Variants in CPB1 observed in about 807,000 individuals in gnomAD.
The protein encoded by CPB1 is carboxypeptidase B1.
A neutral mutation model predicts 51.4 loss-of-function variants in CPB1; 53 were observed. The observed-to-expected ratio is 1.03, with a 90% CI of 0.83 to 1.30. The LOEUF is 1.30. CPB1 is among the 50% of genes most tolerant of loss of function. The pLI, the probability that CPB1 is intolerant of heterozygous loss-of-function variation, is 0.00. For synonymous variants in CPB1, 189 were observed against 186.9 expected (o/e 1.01, Z -0.09); for missense variants, 494 against 516.2 (o/e 0.96, Z 0.42).
Position 148,844,687 on chromosome 3 carries a change from G to C in CPB1, c.698G>C (p.Trp233Ser), listed in dbSNP as rs1713182405. ...GTAGTCCACTTTCAGAGCCGATTTTGGAGAAAGACTCGCTCCACCCATACT... is the reference window on the plus strand; with the variant it reads ...GTAGTCCACTTTCAGAGCCGATTTTCGAGAAAGACTCGCTCCACCCATACT... ...YIYTWTKSRF[W>S]RKTRSTHTGS... The change falls in exon 8 of 11, where the codon TGG becomes TCG. Residue 233 changes from tryptophan (W) to serine (S), a missense_variant. By Grantham distance (177) the Trp-to-Ser change is radical. Coordinates refer to ENST00000282957, the MANE Select transcript of CPB1 (RefSeq NM_001871.3). 6.2e-7 allele frequency: 1 copy of C among 1,613,908 alleles called. No individual in the cohort carries two copies. The highest frequency in any genetic ancestry group is 8.5e-7 in the Non-Finnish European group (1 of 1,179,830).
chr3:148,844,300 A>T (rs1298049024), intron 6 of CPB1, among the ~76,000 whole-genome samples, 178 bp from the exon 7 acceptor site: 1 of 152,198 alleles, frequency 6.6e-6, no homozygotes, highest in Admixed American at 6.5e-5. Context: ...AACAATTATA[A>T]ATAAAAATAT....
chr3:148,858,014 A>G (rs1713634501), intron 10 of CPB1, among the ~76,000 whole-genome samples: 1 of 152,190 alleles, frequency 6.6e-6, no homozygotes, highest in Non-Finnish European at 1.5e-5. Context: ...CACTAAGAGA[A>G]CAAGAAAGTA....
At chr3:148,842,133 C>T (rs62274570) in intron 6 of CPB1, among the ~76,000 whole-genome samples, 13,981 of 152,126 alleles carry the variant, frequency 0.092, 838 homozygotes, top group African/African-American at 0.15. Context: ...TGCCTATAAT[C>T]CTAGCACTTT....
chr3:148,844,753 A>T lies in CPB1; in HGVS notation c.764A>T (p.Asp255Val). Reference sequence around the variant, plus strand: ...GGCACAGACCCCAACAGAAATTTTGATGCTGGTTGGTGTGGTAAGTATCTG... The same window carrying T: ...GGCACAGACCCCAACAGAAATTTTGTTGCTGGTTGGTGTGGTAAGTATCTG... ...CIGTDPNRNFDAGWCEIGASR... is the reference protein window; with the variant it reads ...CIGTDPNRNFVAGWCEIGASR... The change falls in exon 8 of 11, where the codon GAT becomes GTT. Residue 255 changes from aspartate (D) to valine (V), a missense_variant. Asp to Val is a radical substitution (Grantham distance 152). Coordinates refer to ENST00000282957, the MANE Select transcript of CPB1 (RefSeq NM_001871.3). The T allele has an allele frequency of 6.2e-7, 1 of 1,613,904 alleles. No individual in the cohort carries two copies. The highest frequency in any genetic ancestry group is 1.1e-5 in the South Asian group (1 of 91,082).
chr3:148,833,215 A>G (rs1712792217), intron 2 of CPB1, among the ~76,000 whole-genome samples: 1 of 152,076 alleles, frequency 6.6e-6, no homozygotes, highest in Non-Finnish European at 1.5e-5. Context: ...TTATCCAAAC[A>G]TTGATACTCT....
intron 2 of CPB1, among the ~76,000 whole-genome samples, chr3:148,828,954 A>G (rs1712651454): frequency 6.6e-6 from 1 of 152,204 alleles, no homozygotes; most frequent in African/African-American, 2.4e-5. Flanking sequence ...CAAATCTGGA[A>G]TTTCCTTCTG....
chr3:148,834,251 G>A (rs975532246), intron 2 of CPB1, among the ~76,000 whole-genome samples: 9 of 152,132 alleles, frequency 5.9e-5, no homozygotes, highest in African/African-American at 1.9e-4. Context: ...AGCATTATGG[G>A]AAATGATTCT....
chr3:148,830,312 TA>T (rs1308291368), intron 2 of CPB1, among the ~76,000 whole-genome samples: 2 of 152,192 alleles, frequency 1.3e-5, no homozygotes, highest in African/African-American at 4.8e-5. Context: ...AGTATTTTTT[TA>T]GTTATCTAAA....
At chr3:148,857,030 A>C in intron 9 of CPB1, 1 of 149,832 alleles carries the variant, frequency 6.7e-6, no homozygotes, top group Non-Finnish European at 1.4e-5. Flanking sequence ...TTGTAACTTA[A>C]TCTGGCTTTA....
At chr3:148,843,115 T>G (rs1293173107) in intron 6 of CPB1, among the ~76,000 whole-genome samples, 1 of 152,118 alleles carries the variant, frequency 6.6e-6, no homozygotes, top group Admixed American at 6.6e-5. Context: ...CAATGTAGGA[T>G]CCTAGATTGT....
In CPB1 at chr3:148,860,059, T is replaced by G; in HGVS notation, c.*57T>G. 6.5e-7 allele frequency: 1 copy of G among 1,543,376 alleles called. No homozygotes were observed. Among genetic ancestry groups the G allele is most frequent in the Non-Finnish European group, 8.8e-7 (1 of 1,133,486 alleles). ...CTCATTTTTCATTTCTTTTCTTTCT[T>G]GAATTCTTATTTTGGTTTGCCTGGA... On this transcript the variant is annotated 3_prime_UTR_variant, in exon 11 of 11. Transcript: ENST00000282957.
At chr3:148,834,237 A>G (rs1712824885) in intron 2 of CPB1, among the ~76,000 whole-genome samples, 1 of 152,242 alleles carries the variant, frequency 6.6e-6, no homozygotes, top group Admixed American at 6.5e-5. Context: ...GAATACAACC[A>G]ACTAGCATTA....
intron 9 of CPB1, chr3:148,851,440 C>T (rs1416908191): frequency 1.3e-5 from 2 of 150,128 alleles, no homozygotes; most frequent in Non-Finnish European, 3.0e-5. Flanking sequence ...ATTAAGTGTT[C>T]ATTATAAAGT....
rs142138150 is a variant in CPB1 at position 148,859,288 on chromosome 3, G to A, written c.1067-527G>A. On this transcript the variant is annotated intron_variant, in intron 10 of 10. Transcript: ENST00000282957. ...ATGAATTAATTAGTACATATTCTAT[G>A]TGTTAGTGACAACATGATTGTTATT... Among the ~76,000 whole-genome samples, 33 of 152,308 alleles carry A rather than the reference G, an allele frequency of 2.2e-4. No homozygotes were observed. In the East Asian group the frequency reaches 4.6e-3, roughly 21 times the overall value.
At chr3:148,849,904 C>T (rs1037595604) in intron 9 of CPB1, among the ~76,000 whole-genome samples, 1 of 152,230 alleles carries the variant, frequency 6.6e-6, no homozygotes, top group Non-Finnish European at 1.5e-5. Flanking sequence ...GCCTCAATTT[C>T]CAAAGACACA....
In CPB1 at chr3:148,827,822, C is replaced by T. The variant is rs1372684777; in HGVS notation, c.-2C>T. The T allele has an allele frequency of 1.2e-6, 2 of 1,614,038 alleles. No individual in the cohort carries two copies. Among genetic ancestry groups the T allele is most frequent in the South Asian group, 2.2e-5 (2 of 91,076 alleles). On this transcript the variant is annotated 5_prime_UTR_variant, in exon 1 of 11. Transcript: ENST00000282957. ...CCTACCCACTAGACCTGGTCAGACA[C>T]AATGTTGGCACTCTTGGTTCTGGTG...
intron 5 of CPB1, 129 bp from the exon 6 acceptor site, chr3:148,841,694 T>C: frequency 3.2e-6 from 2 of 631,156 alleles, no homozygotes; most frequent in Non-Finnish European, 5.7e-6. Context: ...TTTAATTTAA[T>C]CATGGGATCC....
intron 2 of CPB1, among the ~76,000 whole-genome samples, chr3:148,832,325 G>A (rs1316195119): frequency 6.6e-6 from 1 of 152,026 alleles, no homozygotes; most frequent in African/African-American, 2.4e-5. Flanking sequence ...AAGCAATTAA[G>A]CTGTTCTGAA....
At chr3:148,850,541 A>T (rs1253513961) in intron 9 of CPB1, among the ~76,000 whole-genome samples, 2 of 152,086 alleles carry the variant, frequency 1.3e-5, no homozygotes, top group African/African-American at 4.8e-5. Flanking sequence ...TGACCTTGTG[A>T]TCCGCCTGCC....
Sources: allele counts gnomAD v4.1 joint callset (sites outside exome capture counted in the v4.1 genomes callset), GRCh38; gene constraint gnomAD v4.1.1; transcripts MANE v1.5; gene names NCBI Gene and HGNC (gene_info 2026-07-23, HGNC 2026-07-21).